The following TIAM1 variants were observed in gnomAD, a reference collection of about 807,000 sequenced individuals.
TIAM1 encodes rho guanine nucleotide exchange factor TIAM1.
A neutral mutation model predicts 163.5 loss-of-function variants in TIAM1; 65 were observed. That is an observed-to-expected ratio of 0.40 (90% CI 0.33 to 0.49). The LOEUF (loss-of-function observed/expected upper bound fraction) is 0.49, where lower values mean the gene tolerates loss of function less well. TIAM1 is among the 20% of genes least tolerant of loss of function. TIAM1 has a pLI of 0.77. For missense variants in TIAM1, 1,789 were observed against 2,044.7 expected (o/e 0.87, Z 2.41); for synonymous variants, 833 against 810.1 (o/e 1.03, Z -0.48).
intron 2 of TIAM1, among the ~76,000 whole-genome samples, chr21:31,363,978 CA>C (rs1382662689): frequency 2.0e-5 from 3 of 152,170 alleles, no homozygotes; most frequent in Admixed American, 6.5e-5. Flanking sequence ...AAGAAAGAAA[CA>C]CCCATGAGGA....
At chr21:31,331,011 C>A (rs1044933170) in intron 2 of TIAM1, among the ~76,000 whole-genome samples, 5 of 151,886 alleles carry the variant, frequency 3.3e-5, no homozygotes, top group African/African-American at 1.2e-4. Context: ...CGTGGAACTT[C>A]GCTGTAGATT....
rs1412126188 is a variant in TIAM1 at position 31,187,191 on chromosome 21, T to C, written c.2576-104A>G. The C allele has an allele frequency of 1.5e-5, 16 of 1,088,648 alleles. No individual in the cohort carries two copies. The East Asian group carries it at 3.1e-4, about 21-fold the overall frequency. The allele number at this position is 1,088,648 out of a possible 1,614,324, so 67.4% of individuals were successfully genotyped here. A position where few individuals can be genotyped will look rare whatever the true frequency, so the allele number is the denominator to read the frequency against. The stretch of plus-strand genomic sequence containing the variant: ...AACTAGGTATGTTTCATGTTTGTCA[T>C]TATAGTTTGGACTGATTGTTTTTTC... On this transcript the variant is annotated intron_variant, in intron 13 of 27. Coordinates refer to ENST00000541036, the MANE Select transcript of TIAM1 (RefSeq NM_001353694.2).
chr21:31,152,609 C>T (rs375117302), intron 19 of TIAM1, 27 bp downstream of exon 19: 61 of 1,612,816 alleles, frequency 3.8e-5, no homozygotes, highest in Middle Eastern at 3.3e-4. Context: ...ATAGCCCTGA[C>T]GCTGGAGGCA....
intron 20 of TIAM1, among the ~76,000 whole-genome samples, chr21:31,144,366 C>T (rs2083003152): frequency 6.6e-6 from 1 of 152,212 alleles, no homozygotes; most frequent in African/African-American, 2.4e-5. Flanking sequence ...GGGTATTTCA[C>T]CCATCGACTG....
intron 1 of TIAM1, among the ~76,000 whole-genome samples, chr21:31,466,441 CTAACTT>C (rs2045535071): frequency 6.7e-6 from 1 of 148,450 alleles, no homozygotes; most frequent in African/African-American, 2.5e-5. Flanking sequence ...TAGCAGCTCT[CTAACTT>C]TAGCAGGATT....
chr21:31,524,438 C>G (rs1033087618), intron 1 of TIAM1, among the ~76,000 whole-genome samples: 3 of 152,190 alleles, frequency 2.0e-5, no homozygotes, highest in Non-Finnish European at 2.9e-5. Context: ...CACCAGGCCC[C>G]TCCTCCAACA....
intron 20 of TIAM1, among the ~76,000 whole-genome samples, 178 bp downstream of exon 20, chr21:31,146,717 A>AG: frequency 6.6e-6 from 1 of 151,642 alleles, no homozygotes; most frequent in East Asian, 1.9e-4. Context: ...TCTCAAAAAA[A>AG]AAAAAAATGA....
At chr21:31,467,655 A>C in intron 1 of TIAM1, among the ~76,000 whole-genome samples, 1 of 151,502 alleles carries the variant, frequency 6.6e-6, no homozygotes, top group Admixed American at 6.6e-5. Context: ...AAATAAAAAT[A>C]AAATAAATAA....
chr21:31,349,463 C>G (rs569445241), intron 2 of TIAM1, among the ~76,000 whole-genome samples: 5 of 152,308 alleles, frequency 3.3e-5, no homozygotes, highest in Admixed American at 3.3e-4. Flanking sequence ...GCCCTGGGTG[C>G]CTTGCACAAA....
rs754817467 is a variant in TIAM1 at position 31,152,021 on chromosome 21, CTTT to C, written c.3366+612_3366+614del. ...TTGTTTACTGGGTAACCAGAAGTGC[CTTT>C]TTTTTTTTTTTTTTTTTTTTTTTGT... On this transcript the variant is annotated intron_variant, in intron 19 of 27. Transcript: ENST00000541036. 9.8e-5 allele frequency among the ~76,000 whole-genome samples: 11 copies of C among 112,304 alleles called. 1 individual carries two copies. The highest frequency in any genetic ancestry group is 4.3e-4 in the Admixed American group (4 of 9,208). 73.7% of individuals were successfully genotyped at this position (112,304 alleles called of 152,430 possible). A position where few individuals can be genotyped will look rare whatever the true frequency, so the allele number is the denominator to read the frequency against.
At chr21:31,225,306 T>C (rs2087887954) in intron 7 of TIAM1, among the ~76,000 whole-genome samples, 3 of 152,108 alleles carry the variant, frequency 2.0e-5, no homozygotes. Flanking sequence ...TGGCCAGATA[T>C]ATATTTTTAA....
chr21:31,533,777 TCTC>T (rs1212585832), intron 1 of TIAM1, among the ~76,000 whole-genome samples: 10 of 152,142 alleles, frequency 6.6e-5, no homozygotes, highest in Admixed American at 1.3e-4. Flanking sequence ...CAAACATTCT[TCTC>T]CTTCTTCCTG....
At chr21:31,148,430 T>A (rs1021288727) in intron 19 of TIAM1, among the ~76,000 whole-genome samples, 1 of 152,190 alleles carries the variant, frequency 6.6e-6, no homozygotes, top group African/African-American at 2.4e-5. Flanking sequence ...TTGCTCCTCC[T>A]GAGGCCTCCC....
At chr21:31,256,577 G>C (rs2072108345) in intron 4 of TIAM1, among the ~76,000 whole-genome samples, 1 of 77,790 alleles carries the variant, frequency 1.3e-5, no homozygotes. Flanking sequence ...AAAATATTAA[G>C]TACCCCTCAC....
At chr21:31,365,688 C>A (rs1456543159) in intron 2 of TIAM1, among the ~76,000 whole-genome samples, 4 of 152,010 alleles carry the variant, frequency 2.6e-5, no homozygotes, top group African/African-American at 9.7e-5. Context: ...CTGTGCCCAG[C>A]CTGTGTCACA....
intron 1 of TIAM1, among the ~76,000 whole-genome samples, chr21:31,471,352 G>A (rs73197624): frequency 0.025 from 3,869 of 152,250 alleles, 64 homozygotes; most frequent in Non-Finnish European, 0.036. Flanking sequence ...ACACAGACAC[G>A]ATCATTCAGA....
intron 2 of TIAM1, among the ~76,000 whole-genome samples, chr21:31,286,123 C>A (rs1601828499): frequency 1.3e-5 from 2 of 152,242 alleles, no homozygotes; most frequent in Admixed American, 1.3e-4. Context: ...TGTGTTGCAC[C>A]ATTGCTAGGG....
At chr21:31,219,500 C>T (rs542658532) in intron 8 of TIAM1, among the ~76,000 whole-genome samples, 20 of 152,312 alleles carry the variant, frequency 1.3e-4, no homozygotes, top group African/African-American at 4.1e-4. Flanking sequence ...AGGGGCCTCC[C>T]CAGCAGTCAG....
intron 2 of TIAM1, among the ~76,000 whole-genome samples, chr21:31,458,292 C>A (rs1052904991): frequency 6.6e-6 from 1 of 151,906 alleles, no homozygotes; most frequent in Non-Finnish European, 1.5e-5. Context: ...AGGGGGCGGG[C>A]GCCTGTAATC....
Sources: gnomAD v4.1 joint callset for allele counts (sites outside exome capture counted in the v4.1 genomes callset) on GRCh38, gnomAD v4.1.1 for gene constraint, MANE v1.5 for transcripts, NCBI Gene and HGNC (gene_info 2026-07-23, HGNC 2026-07-21) for gene names.